The following TPTE2 variants were observed in gnomAD, a reference collection of about 807,000 sequenced individuals.
TPTE2 encodes transmembrane phosphoinositide 3-phosphatase and tensin homolog 2, also known as phosphatidylinositol 3,4,5-trisphosphate 3-phosphatase TPTE2.
In TPTE2, 53 loss-of-function variants were observed where a neutral mutation model predicts 78.6. The ratio of observed to expected loss-of-function variants is 0.67; its 90% CI spans 0.54 to 0.85. The LOEUF (loss-of-function observed/expected upper bound fraction) is 0.85. Ranked by LOEUF, TPTE2 falls within the 40% of genes least tolerant of loss-of-function variation. The pLI is 0.00. For synonymous variants in TPTE2, 175 were observed against 206.2 expected, an observed-to-expected ratio of 0.85 and a Z score of 1.30; for missense variants, 461 against 623.0, an observed-to-expected ratio of 0.74 and a Z score of 2.77.
intron 13 of TPTE2, among the ~76,000 whole-genome samples, chr13:19,448,483 A>T (rs1328646196): frequency 6.6e-6 from 1 of 152,212 alleles, no homozygotes; most frequent in Non-Finnish European, 1.5e-5. Flanking sequence ...ATAGCAAGAG[A>T]ACATGTTACT....
intron 1 of TPTE2, among the ~76,000 whole-genome samples, chr13:19,493,768 C>T (rs1231965746): frequency 1.3e-5 from 2 of 152,152 alleles, no homozygotes; most frequent in Admixed American, 6.5e-5. Flanking sequence ...CAATGTGTGA[C>T]AGATTTTCTG....
chr13:19,488,726 G>C (rs1011763219), intron 3 of TPTE2, among the ~76,000 whole-genome samples: 1 of 152,188 alleles, frequency 6.6e-6, no homozygotes, highest in Non-Finnish European at 1.5e-5. Context: ...CATTTATCCA[G>C]ACCACTAAAA....
chr13:19,500,377 TG>T (rs1283625070), intron 1 of TPTE2, among the ~76,000 whole-genome samples: 57 of 152,044 alleles, frequency 3.7e-4, no homozygotes, highest in African/African-American at 1.3e-3. Context: ...ATATCCTTGA[TG>T]AACATTGATG....
At chr13:19,460,554 T>C (rs979029249) in intron 10 of TPTE2, among the ~76,000 whole-genome samples, 4 of 152,188 alleles carry the variant, frequency 2.6e-5, no homozygotes, top group African/African-American at 9.7e-5. Context: ...TTAATTCCTA[T>C]AGCCCTTGGT....
At chr13:19,484,408 G>A (rs968313144) in intron 3 of TPTE2, among the ~76,000 whole-genome samples, 1 of 152,194 alleles carries the variant, frequency 6.6e-6, no homozygotes, top group African/African-American at 2.4e-5. Flanking sequence ...AATGTTTCAT[G>A]TGCTGATGAA....
chr13:19,428,493 C>G (rs1876312701), intron 17 of TPTE2, among the ~76,000 whole-genome samples: 1 of 151,594 alleles, frequency 6.6e-6, no homozygotes. Context: ...AAAACAACAA[C>G]AAACAATGTC....
chr13:19,495,901 C>T (rs1881283185), intron 1 of TPTE2, among the ~76,000 whole-genome samples: 1 of 152,142 alleles, frequency 6.6e-6, no homozygotes, highest in African/African-American at 2.4e-5. Flanking sequence ...CAGAGTCTCA[C>T]TCTGTCACCC....
intron 1 of TPTE2, among the ~76,000 whole-genome samples, chr13:19,510,882 G>A (rs545777810): frequency 6.6e-6 from 1 of 152,114 alleles, no homozygotes; most frequent in South Asian, 2.1e-4. Flanking sequence ...AAATTCATAA[G>A]TTATCACATA....
chr13:19,522,092 G>T (rs189516519), intron 1 of TPTE2, among the ~76,000 whole-genome samples: 3,854 of 152,214 alleles, frequency 0.025, 126 homozygotes, highest in African/African-American at 0.074. Context: ...CTCCTTCAAT[G>T]TTGAAGGATA....
intron 13 of TPTE2, among the ~76,000 whole-genome samples, chr13:19,441,166 AC>A (rs760884746): frequency 2.0e-5 from 3 of 152,200 alleles, no homozygotes; most frequent in African/African-American, 7.2e-5. Context: ...TAATACAGGA[AC>A]AAAAAACCAA....
the TPTE2 span, chr13:19,552,706 G>C: frequency 1.6e-6 from 1 of 609,654 alleles, no homozygotes; most frequent in Non-Finnish European, 2.8e-6. Flanking sequence ...CAAAGTGAAG[G>C]TGATGTGTCG....
chr13:19,558,138 G>A, the TPTE2 span, among the ~76,000 whole-genome samples: 1 of 152,170 alleles, frequency 6.6e-6, no homozygotes, highest in Non-Finnish European at 1.5e-5. Flanking sequence ...ATAAGTAATA[G>A]CTACAATATA....
At chr13:19,548,766 A>C in the TPTE2 span, among the ~76,000 whole-genome samples, 4 of 151,932 alleles carry the variant, frequency 2.6e-5, no homozygotes, top group Non-Finnish European at 5.9e-5. Context: ...ACCCTGAAGA[A>C]GATCTAGGAA....
chr13:19,453,878 T>C (rs1468202058), intron 10 of TPTE2, among the ~76,000 whole-genome samples: 1 of 152,166 alleles, frequency 6.6e-6, no homozygotes, highest in Admixed American at 6.6e-5. Flanking sequence ...TTACTAAGTT[T>C]ATAATTTCTG....
At chr13:19,533,808 T>A (rs895059821) in intron 1 of TPTE2, among the ~76,000 whole-genome samples, 8 of 152,198 alleles carry the variant, frequency 5.3e-5, no homozygotes, top group African/African-American at 1.4e-4. Flanking sequence ...AAAGCCACTG[T>A]AGAATTGTTG....
At chr13:19,474,321 A>T (rs970472936) in intron 5 of TPTE2, among the ~76,000 whole-genome samples, 9 of 152,180 alleles carry the variant, frequency 5.9e-5, no homozygotes, top group African/African-American at 2.2e-4. Context: ...ACTTCACAAG[A>T]TATCATGGCC....
intron 1 of TPTE2, among the ~76,000 whole-genome samples, chr13:19,499,244 A>C (rs1355022491): frequency 2.0e-5 from 3 of 152,160 alleles, no homozygotes; most frequent in Non-Finnish European, 4.4e-5. Flanking sequence ...GATCAACGAG[A>C]CAGAAAGTCA....
At chr13:19,479,095 A>G (rs1461343129) in intron 4 of TPTE2, among the ~76,000 whole-genome samples, 1 of 152,248 alleles carries the variant, frequency 6.6e-6, no homozygotes, top group Non-Finnish European at 1.5e-5. Context: ...CCAACATGGC[A>G]CATGCATAAA....
chr13:19,523,946 T>C (rs1019931077), intron 1 of TPTE2, among the ~76,000 whole-genome samples: 5 of 152,174 alleles, frequency 3.3e-5, no homozygotes, highest in African/African-American at 4.8e-5. Context: ...TAGTTAACAT[T>C]GTGGCTGCCT....
Sources: allele counts gnomAD v4.1 joint callset (sites outside exome capture counted in the v4.1 genomes callset), GRCh38; gene constraint gnomAD v4.1.1; transcripts MANE v1.5; gene names NCBI Gene and HGNC (gene_info 2026-07-23, HGNC 2026-07-21).